The following ITGA8 variants were observed in gnomAD, a reference collection of about 807,000 sequenced individuals.
The protein encoded by ITGA8 is integrin alpha-8.
ITGA8 carries 91 observed loss-of-function variants against 142.3 expected under a neutral mutation model. The ratio of observed to expected loss-of-function variants is 0.64; its 90% confidence interval spans 0.54 to 0.76. The LOEUF is 0.76. ITGA8 is among the 30% of genes least tolerant of loss of function. ITGA8 has a pLI of 0.00. For missense variants in ITGA8, 1,406 were observed against 1,327.7 expected, an observed-to-expected ratio of 1.06 and a Z score of -0.92; for synonymous variants, 505 against 485.2, an observed-to-expected ratio of 1.04 and a Z score of -0.54.
intron 23 of ITGA8, among the ~76,000 whole-genome samples, chr10:15,583,180 G>A (rs1834445621): frequency 6.6e-6 from 1 of 152,184 alleles, no homozygotes; most frequent in African/African-American, 2.4e-5. Context: ...ATACTATGCA[G>A]CCATAAAAAA....
intron 24 of ITGA8, among the ~76,000 whole-genome samples, chr10:15,573,482 G>T (rs1834225711): frequency 6.7e-6 from 1 of 149,368 alleles, no homozygotes; most frequent in African/African-American, 2.5e-5. Flanking sequence ...TTATCCTTTT[G>T]CTATCAAAAG....
intron 2 of ITGA8, among the ~76,000 whole-genome samples, chr10:15,699,099 C>A (rs1835111225): frequency 6.6e-6 from 1 of 152,180 alleles, no homozygotes; most frequent in Non-Finnish European, 1.5e-5. Flanking sequence ...GCATGGCCAA[C>A]ATGGTGAAAC....
chr10:15,613,486 G>T, intron 15 of ITGA8, 174 bp downstream of exon 15: 1 of 626,910 alleles, frequency 1.6e-6, no homozygotes. Context: ...CTAACTCCTT[G>T]CTACTCAAAC....
At chr10:15,644,279 C>T in intron 12 of ITGA8, 58 bp from the exon 13 acceptor site, 1 of 1,487,814 alleles carries the variant, frequency 6.7e-7, no homozygotes, top group African/African-American at 1.4e-5. Context: ...TTCATTTGTT[C>T]ATTTTAGAGA....
At chr10:15,681,791 A>T (rs1246588177) in intron 4 of ITGA8, among the ~76,000 whole-genome samples, 1 of 152,214 alleles carries the variant, frequency 6.6e-6, no homozygotes, top group African/African-American at 2.4e-5. Context: ...CCATGAGCAT[A>T]TGGTCAATAT....
rs757741584 is a variant in ITGA8 at position 15,575,524 on chromosome 10, C to T, written c.2443G>A (p.Glu815Lys). ...TGTTCCACCAATGGTCCAACCTCCT[C>T]CTCTTTGTGGGGCTCCTCTTCTGGT... Reference protein sequence around the residue: ...WEPEEEPHKEEEVGPLVEHIY... With the variant: ...WEPEEEPHKEKEVGPLVEHIY... Residue 815 changes from glutamate (E) to lysine (K), a missense_variant, in exon 24 of 30, where the codon GAG becomes AAG. Glu to Lys is a moderately conservative substitution (Grantham distance 56). Coordinates refer to ENST00000378076, the MANE Select transcript of ITGA8 (RefSeq NM_003638.3). 2.2e-5 allele frequency: 35 copies of T among 1,613,900 alleles called. No individual in the cohort carries two copies. The highest frequency in any genetic ancestry group is 2.8e-5 in the Non-Finnish European group (33 of 1,179,906).
At chr10:15,665,457 T>G (rs1193691150) in intron 8 of ITGA8, among the ~76,000 whole-genome samples, 1 of 152,192 alleles carries the variant, frequency 6.6e-6, no homozygotes, top group Non-Finnish European at 1.5e-5. Flanking sequence ...TTTTTCCCAT[T>G]TTTTAGGTTG....
Position 15,573,228 on chromosome 10 carries a change from C to G in ITGA8, c.2479-859G>C, listed in dbSNP as rs141748647. ...TGAGTCACGAGATTAGCAATGTACACAATATTTGATGATTGCTTTTTGCAC... is the reference window on the plus strand; with the variant it reads ...TGAGTCACGAGATTAGCAATGTACAGAATATTTGATGATTGCTTTTTGCAC... On this transcript the variant is annotated intron_variant, in intron 24 of 29. Coordinates refer to ENST00000378076, the MANE Select transcript of ITGA8 (RefSeq NM_003638.3). 4.2e-3 allele frequency among the ~76,000 whole-genome samples: 638 copies of G among 152,272 alleles called. 5 individuals carry two copies. Among genetic ancestry groups the G allele is most frequent in the African/African-American group, 0.014 (593 of 41,542 alleles).
intron 13 of ITGA8, among the ~76,000 whole-genome samples, chr10:15,622,894 A>G (rs1833519847): frequency 6.6e-6 from 1 of 152,226 alleles, no homozygotes; most frequent in African/African-American, 2.4e-5. Flanking sequence ...AAGAAATCCA[A>G]ATGAAGGGAA....
chr10:15,630,441 C>T (rs1483024765), intron 13 of ITGA8, among the ~76,000 whole-genome samples: 1 of 152,080 alleles, frequency 6.6e-6, no homozygotes, highest in Non-Finnish European at 1.5e-5. Context: ...CAAATCCACT[C>T]CCAGTCTCAA....
intron 2 of ITGA8, among the ~76,000 whole-genome samples, chr10:15,702,196 T>G (rs1285481253): frequency 6.6e-6 from 1 of 152,192 alleles, no homozygotes; most frequent in Non-Finnish European, 1.5e-5. Flanking sequence ...GTATGCATAC[T>G]ATATACAAAT....
intron 13 of ITGA8, among the ~76,000 whole-genome samples, chr10:15,626,780 G>A (rs1331087295): frequency 6.6e-6 from 1 of 152,164 alleles, no homozygotes; most frequent in Non-Finnish European, 1.5e-5. Flanking sequence ...TCAACATGAA[G>A]ATGTAGGGAG....
At chr10:15,524,334 A>G (rs1007573149) in intron 28 of ITGA8, among the ~76,000 whole-genome samples, 2 of 152,228 alleles carry the variant, frequency 1.3e-5, no homozygotes, top group Non-Finnish European at 2.9e-5. Flanking sequence ...TCCCGTGCAG[A>G]GGAGATGCTT....
intron 19 of ITGA8, among the ~76,000 whole-genome samples, chr10:15,605,046 A>G (rs1833169779): frequency 6.6e-6 from 1 of 152,154 alleles, no homozygotes; most frequent in Non-Finnish European, 1.5e-5. Context: ...AGTCCCTCTG[A>G]GAAGTTACCA....
At chr10:15,706,676 G>GACT (rs1835263998) in intron 2 of ITGA8, among the ~76,000 whole-genome samples, 1 of 152,138 alleles carries the variant, frequency 6.6e-6, no homozygotes, top group African/African-American at 2.4e-5. Flanking sequence ...TTGGTGTCAA[G>GACT]TGGTCCTCCT....
chr10:15,537,792 G>C lies in ITGA8; in HGVS notation c.2881-6641C>G, dbSNP rs537390304. Among the ~76,000 whole-genome samples, 5 of 152,176 alleles carry C rather than the reference G, an allele frequency of 3.3e-5. No homozygotes were observed. The South Asian group carries it at 1.0e-3, about 32-fold the overall frequency. ...TTAGGTTGTATAGACTTGGGAATTC[G>C]TTAAGGCACCTCTCTTCCAACTCTT... On this transcript the variant is annotated intron_variant, in intron 27 of 29. Transcript: ENST00000378076.
At chr10:15,607,047 T>C (rs559289818) in intron 17 of ITGA8, among the ~76,000 whole-genome samples, 3 of 152,324 alleles carry the variant, frequency 2.0e-5, no homozygotes, top group Admixed American at 1.3e-4. Context: ...CTTTTCATTC[T>C]TGAGTGTGAT....
intron 28 of ITGA8, among the ~76,000 whole-genome samples, chr10:15,520,974 G>C (rs1305037245): frequency 6.6e-6 from 1 of 152,154 alleles, no homozygotes; most frequent in Non-Finnish European, 1.5e-5. Context: ...CTAGCACTGA[G>C]CCCTAACCAT....
At chr10:15,562,904 C>T (rs1269186382) in intron 25 of ITGA8, among the ~76,000 whole-genome samples, 1 of 152,028 alleles carries the variant, frequency 6.6e-6, no homozygotes, top group East Asian at 1.9e-4. Context: ...TTTTAATTCC[C>T]AATGTGGGAG....
Sources: allele counts gnomAD v4.1 joint callset (sites outside exome capture counted in the v4.1 genomes callset), GRCh38; gene constraint gnomAD v4.1.1; transcripts MANE v1.5; gene names NCBI Gene and HGNC (gene_info 2026-07-23, HGNC 2026-07-21).